Variants in APELA observed in about 807,000 individuals in gnomAD.
APELA encodes protein Elabela.
chr4:164,893,769 C>T (rs370617562), intron 2 of APELA, among the ~76,000 whole-genome samples: 2 of 151,848 alleles, frequency 1.3e-5, no homozygotes, highest in African/African-American at 2.4e-5. Context: ...TTTTTTACCC[C>T]GTCTGACACA....
rs1460173227 is a variant in APELA, at chr4:164,897,098, TAGA to T, written c.*1687_*1689del. On this transcript the variant is annotated 3_prime_UTR_variant, in exon 3 of 3. Transcript: ENST00000507152. ...CTGGGCCACAAGTTCATATCTGGAG[TAGA>T]AGTTTTACTTTGTAAATATTATAAA... is the stretch of plus-strand genomic sequence containing the variant. 1.3e-5 allele frequency: 2 copies of T among 151,962 alleles called. No individual in the cohort carries two copies. The highest frequency in any genetic ancestry group is 4.8e-5 in the African/African-American group (2 of 41,366). 9.4% of individuals were successfully genotyped at this position (151,962 alleles called of 1,614,324 possible).
downstream of APELA, among the ~76,000 whole-genome samples, chr4:164,898,526 T>A (rs1023961614): frequency 6.6e-6 from 1 of 151,026 alleles, no homozygotes; most frequent in Admixed American, 6.6e-5. Flanking sequence ...AAAAAGGTTA[T>A]TTGTAATTTC....
In APELA at chr4:164,896,673, C is replaced by T. The variant is rs955196247; in HGVS notation, c.*1259C>T. The T allele has an allele frequency of 6.6e-6, 1 of 151,914 alleles. No individual in the cohort carries two copies. The highest frequency in any genetic ancestry group is 2.4e-5 in the African/African-American group (1 of 41,368). 9.4% of individuals were successfully genotyped at this position (151,914 alleles called of 1,614,324 possible). A position where few individuals can be genotyped will look rare whatever the true frequency, so the allele number is the denominator to read the frequency against. ...TGAATTGTGTTGATAACTAGGTGTT[C>T]CCCAGATGCTAAGATGTTCTTAATT... On this transcript the variant is annotated 3_prime_UTR_variant, in exon 3 of 3. Transcript: ENST00000507152.
downstream of APELA, chr4:164,898,669 G>A (rs1731021826): frequency 6.6e-6 from 1 of 152,072 alleles, no homozygotes; most frequent in East Asian, 1.9e-4. Flanking sequence ...GGAGGGTGGT[G>A]GACCAAAGCA....
intron 2 of APELA, among the ~76,000 whole-genome samples, chr4:164,884,561 G>T (rs1395295296): frequency 6.6e-6 from 1 of 151,876 alleles, no homozygotes; most frequent in East Asian, 1.9e-4. Context: ...TTTCCCCCTT[G>T]CCTGTCCCAG....
rs1270007831 is a variant in APELA at position 164,895,912 on chromosome 4, T to C, written c.*498T>C. ...TTGGCTTCGCACAATAGGGAGAAAA[T>C]AATTGGTTCATTGATTATATAGAGA... On this transcript the variant is annotated 3_prime_UTR_variant, in exon 3 of 3. Transcript: ENST00000507152. 1 of 152,180 alleles carries C rather than the reference T, an allele frequency of 6.6e-6. No individual in the cohort carries two copies. The highest frequency in any genetic ancestry group is 1.5e-5 in the Non-Finnish European group (1 of 68,038). The allele number at this position is 152,180 out of a possible 1,614,324, so 9.4% of individuals were successfully genotyped here.
chr4:164,898,761 C>A (rs1311262576), downstream of APELA: 2 of 151,980 alleles, frequency 1.3e-5, no homozygotes, highest in East Asian at 3.9e-4. Flanking sequence ...GTTTGCTGTA[C>A]ATTTGATCAG....
intron 2 of APELA, among the ~76,000 whole-genome samples, chr4:164,883,153 C>G (rs1730693945): frequency 2.0e-5 from 3 of 152,208 alleles, no homozygotes; most frequent in Admixed American, 1.3e-4. Flanking sequence ...ATCCTTCTCA[C>G]TCCATTCTCT....
In APELA at chr4:164,897,098, T is replaced by C. The variant is rs1211055458; in HGVS notation, c.*1684T>C. The C allele has an allele frequency of 6.6e-6, 1 of 151,962 alleles. No homozygotes were observed. The highest frequency in any genetic ancestry group is 2.4e-5 in the African/African-American group (1 of 41,366). 9.4% of individuals were successfully genotyped at this position (151,962 alleles called of 1,614,324 possible). A position where few individuals can be genotyped will look rare whatever the true frequency, so the allele number is the denominator to read the frequency against. On this transcript the variant is annotated 3_prime_UTR_variant, in exon 3 of 3. Coordinates refer to ENST00000507152, the MANE Select transcript of APELA (RefSeq NM_001297550.2). Reference sequence around the variant, plus strand: ...CTGGGCCACAAGTTCATATCTGGAGTAGAAGTTTTACTTTGTAAATATTAT... The same window carrying C: ...CTGGGCCACAAGTTCATATCTGGAGCAGAAGTTTTACTTTGTAAATATTAT...
In APELA at chr4:164,896,198, A is replaced by G. The variant is rs1730972304; in HGVS notation, c.*784A>G. 1 of 152,146 alleles carries G rather than the reference A, an allele frequency of 6.6e-6. No individual in the cohort carries two copies. The highest frequency in any genetic ancestry group is 2.4e-5 in the African/African-American group (1 of 41,424). The allele number at this position is 152,146 out of a possible 1,614,324, so 9.4% of individuals were successfully genotyped here. On this transcript the variant is annotated 3_prime_UTR_variant, in exon 3 of 3. Transcript: ENST00000507152. The stretch of plus-strand genomic sequence containing the variant: ...AACCTCCACCTCCCGAGTTCAAGTG[A>G]TTCTCGTGCCTCAACCTCCCAATTA...
downstream of APELA, among the ~76,000 whole-genome samples, chr4:164,898,036 AC>A (rs1473122637): frequency 6.6e-6 from 1 of 151,758 alleles, no homozygotes; most frequent in Non-Finnish European, 1.5e-5. Context: ...GATTACAGGC[AC>A]CCACCACCAT....
chr4:164,892,062 G>C (rs1037523543), intron 2 of APELA, among the ~76,000 whole-genome samples: 1 of 152,112 alleles, frequency 6.6e-6, no homozygotes, highest in African/African-American at 2.4e-5. Context: ...TGTAATTCCA[G>C]CACTTCGGGA....
chr4:164,883,999 G>A (rs1267600725), intron 2 of APELA, among the ~76,000 whole-genome samples: 1 of 146,090 alleles, frequency 6.8e-6, no homozygotes, highest in African/African-American at 2.5e-5. Flanking sequence ...AAGAGAGAAA[G>A]AAGACAGAAA....
At position 164,895,126 on chromosome 4, in the gene APELA, A is replaced by G. The variant is rs550297080; in HGVS notation, c.*2-290A>G. Among the ~76,000 whole-genome samples the G allele has an allele frequency of 8.5e-5, 13 of 152,336 alleles. No homozygotes were observed. The East Asian group carries it at 2.5e-3, about 29-fold the overall frequency. Reference sequence around the variant, plus strand: ...GGGCATGAGAATCACTTGAACTCAGAGGCAGAGGTTGCAGTGAGCTGAGAC... The same window carrying G: ...GGGCATGAGAATCACTTGAACTCAGGGGCAGAGGTTGCAGTGAGCTGAGAC... On this transcript the variant is annotated intron_variant, in intron 2 of 2. Coordinates refer to ENST00000507152, the MANE Select transcript of APELA (RefSeq NM_001297550.2).
intron 2 of APELA, among the ~76,000 whole-genome samples, chr4:164,892,538 G>C (rs182762250): frequency 2.2e-4 from 33 of 152,160 alleles, no homozygotes; most frequent in African/African-American, 5.8e-4. Flanking sequence ...CTAGTATTTT[G>C]CTGAGGATTT....
At chr4:164,893,664 T>A (rs889531234) in intron 2 of APELA, among the ~76,000 whole-genome samples, 4 of 152,188 alleles carry the variant, frequency 2.6e-5, no homozygotes, top group Admixed American at 2.6e-4. Flanking sequence ...GATATCTCTT[T>A]TTCCATCCTT....
intron 2 of APELA, among the ~76,000 whole-genome samples, chr4:164,880,314 A>G (rs1730632777): frequency 6.6e-6 from 1 of 152,224 alleles, no homozygotes; most frequent in African/African-American, 2.4e-5. Flanking sequence ...CATAATAAAC[A>G]TTTATCAAAA....
At chr4:164,886,548 G>A (rs1409166477) in intron 2 of APELA, among the ~76,000 whole-genome samples, 1 of 152,104 alleles carries the variant, frequency 6.6e-6, no homozygotes, top group Non-Finnish European at 1.5e-5. Flanking sequence ...TCAGGAGGCT[G>A]AGGTGGGAGG....
rs531328426 is a variant in APELA at position 164,885,170 on chromosome 4, G to T, written c.*1+6161G>T. Among the ~76,000 whole-genome samples, 17 of 152,044 alleles carry T rather than the reference G, an allele frequency of 1.1e-4. No homozygotes were observed. The East Asian group carries it at 3.3e-3, about 30-fold the overall frequency. ...TTTTGAGACAGAGTCTTGCTCTGTCGCCCAGGCTGGAGTGCAGTGGTGTGA... is the reference window on the plus strand; with the variant it reads ...TTTTGAGACAGAGTCTTGCTCTGTCTCCCAGGCTGGAGTGCAGTGGTGTGA... On this transcript the variant is annotated intron_variant, in intron 2 of 2. Coordinates refer to ENST00000507152, the MANE Select transcript of APELA (RefSeq NM_001297550.2).
Sources: gnomAD v4.1 joint callset for allele counts (sites outside exome capture counted in the v4.1 genomes callset) on GRCh38, gnomAD v4.1.1 for gene constraint, MANE v1.5 for transcripts, NCBI Gene and HGNC (gene_info 2026-07-23, HGNC 2026-07-21) for gene names.